NOM1: variants seen among roughly 807,000 people sequenced by gnomAD.
The protein encoded by NOM1 is nucleolar MIF4G domain-containing protein 1.
A neutral mutation model predicts 73.3 loss-of-function variants in NOM1; 58 were observed. The ratio of observed to expected loss-of-function variants is 0.79; its 90% CI spans 0.64 to 0.99. The LOEUF is 0.99. Ranked by LOEUF, NOM1 falls within the 50% of genes least tolerant of loss-of-function variation. The pLI is 0.00. For missense variants in NOM1, 1,226 were observed against 1,131.9 expected, an observed-to-expected ratio of 1.08 and a Z score of -1.19; for synonymous variants, 487 against 446.8, an observed-to-expected ratio of 1.09 and a Z score of -1.14.
chr7:156,950,414 G>A lies in NOM1; in HGVS notation c.677G>A (p.Gly226Glu). 6.2e-7 allele frequency: 1 copy of A among 1,614,228 alleles called. No homozygotes were observed. Among genetic ancestry groups the A allele is most frequent in the Non-Finnish European group, 8.5e-7 (1 of 1,180,040 alleles). Reference sequence around the variant, plus strand: ...TATATTCTGGGAGCCCTGGAGTCTGGGAAAAATAGCGGCTTGTACGACAGC... The same window carrying A: ...TATATTCTGGGAGCCCTGGAGTCTGAGAAAAATAGCGGCTTGTACGACAGC... ...LDYILGALES[G>E]KNSGLYDSSG... Residue 226 changes from glycine to glutamate, a missense_variant, in exon 1 of 11, where the codon GGG (glycine) becomes GAG (glutamate). Physicochemically the swap from Gly to Glu is moderately conservative, Grantham distance 98. Transcript: ENST00000275820.
intron 4 of NOM1, among the ~76,000 whole-genome samples, chr7:156,961,907 A>T (rs1399707146): frequency 6.6e-6 from 1 of 151,268 alleles, no homozygotes; most frequent in Non-Finnish European, 1.5e-5. Context: ...AAGGGAAAAG[A>T]GATCTCTGGG....
At chr7:156,963,788 T>G in intron 6 of NOM1, 117 bp from the exon 7 acceptor site, 1 of 1,228,714 alleles carries the variant, frequency 8.1e-7, no homozygotes, top group African/African-American at 1.5e-5. Flanking sequence ...CTTGGTGCCA[T>G]CCGCCCACGT....
At chr7:156,958,144 T>G (rs940197436) in intron 3 of NOM1, among the ~76,000 whole-genome samples, 1 of 149,072 alleles carries the variant, frequency 6.7e-6, no homozygotes, top group Non-Finnish European at 1.5e-5. Context: ...CACTCAAGAC[T>G]GTCTGGTGGA....
chr7:156,949,748 C>G lies in NOM1; in HGVS notation c.11C>G (p.Ser4Cys), dbSNP rs769906538. ...CACGCGTTTCGAAAGATGGCGGCGT[C>G]CAGGAGCGCGGGAGAGGCCGGCCCG... is the stretch of plus-strand genomic sequence containing the variant. MAA[S>C]RSAGEAGPGG... Residue 4 changes from serine to cysteine, a missense_variant, in exon 1 of 11, where the codon TCC becomes TGC. Physicochemically the swap from Ser to Cys is moderately radical, Grantham distance 112. Transcript: ENST00000275820. The G allele has an allele frequency of 5.1e-6, 7 of 1,385,148 alleles. No individual in the cohort carries two copies. The highest frequency in any genetic ancestry group is 6.5e-6 in the Non-Finnish European group (7 of 1,075,306). 85.8% of individuals were successfully genotyped at this position (1,385,148 alleles called of 1,614,324 possible).
At chr7:156,961,603 A>G (rs1804865367) in intron 4 of NOM1, among the ~76,000 whole-genome samples, 2 of 152,194 alleles carry the variant, frequency 1.3e-5, no homozygotes, top group Admixed American at 6.5e-5. Context: ...TAAAAGCCAC[A>G]TAATTATATA....
intron 2 of NOM1, among the ~76,000 whole-genome samples, chr7:156,953,517 A>G (rs1186042810): frequency 6.6e-6 from 1 of 151,478 alleles, no homozygotes; most frequent in Non-Finnish European, 1.5e-5. Flanking sequence ...CTGCCCCTCC[A>G]TGGCCTCACC....
rs753333823 is a variant in NOM1 at position 156,967,103 on chromosome 7, C to A, written c.2298+11C>A. On this transcript the variant is annotated intron_variant, in intron 9 of 10. Transcript: ENST00000275820. ...CTTTCCATCTTAAAGGTTCGTGTAA[C>A]GTGTGAAAATATTGAAAGCAATGGA... 2.5e-6 allele frequency: 4 copies of A among 1,609,262 alleles called. No homozygotes were observed. In the Admixed American group the frequency reaches 6.8e-5, roughly 27 times the overall value.
Position 156,950,441 on chromosome 7 carries a change from G to T in NOM1, c.704G>T (p.Ser235Ile), listed in dbSNP as rs771995854. ...AAAAATAGCGGCTTGTACGACAGCA[G>T]TGGTGAGGAGGAGGAAGATGCCGGA... ...SGKNSGLYDS[S>I]GEEEEDAGQT... The change falls in exon 1 of 11, where the codon AGT becomes ATT. Residue 235 changes from serine (S) to isoleucine (I), a missense_variant. By Grantham distance (142) the Ser-to-Ile change is moderately radical. Transcript: ENST00000275820. The T allele has an allele frequency of 3.1e-6, 5 of 1,614,194 alleles. No homozygotes were observed. In the East Asian group the frequency reaches 1.1e-4, roughly 36 times the overall value.
chr7:156,962,571 T>G (rs1356033083), intron 5 of NOM1, among the ~76,000 whole-genome samples: 1 of 152,200 alleles, frequency 6.6e-6, no homozygotes, highest in Non-Finnish European at 1.5e-5. Flanking sequence ...CAAGTCCCCA[T>G]CCGGACCAAG....
chr7:156,963,218 C>G (rs761538430), intron 6 of NOM1, 43 bp downstream of exon 6: 15 of 1,608,218 alleles, frequency 9.3e-6, no homozygotes, highest in Middle Eastern at 1.6e-4. Flanking sequence ...GAGGCACCCC[C>G]CTGTGTGGTG....
intron 1 of NOM1, among the ~76,000 whole-genome samples, chr7:156,951,807 A>G (rs543296301): frequency 3.3e-5 from 5 of 151,938 alleles, no homozygotes; most frequent in Admixed American, 6.6e-5. Context: ...TCCCAGGTTC[A>G]TGCCATTCTC....
At position 156,950,361 on chromosome 7, in the gene NOM1, G is replaced by C; in HGVS notation, c.624G>C (p.Pro208=). The C allele has an allele frequency of 1.2e-6, 2 of 1,614,218 alleles. No homozygotes were observed. Among genetic ancestry groups the C allele is most frequent in the Admixed American group, 3.3e-5 (2 of 60,034 alleles). The change falls in exon 1 of 11, where the codon CCG becomes CCC. Residue 208 remains proline (P), a synonymous_variant. Coordinates refer to ENST00000275820, the MANE Select transcript of NOM1 (RefSeq NM_138400.2). ...AGAAGGACGGCAGCAGCTCCGTGCC[G>C]CTGAGCTTTGCACGCGACGGTCTTG... ...RKKKDGSSSV[P]LSFARDGLDY... is the part of the protein sequence containing the mutation.
chr7:156,957,503 T>C (rs954643719), intron 3 of NOM1, among the ~76,000 whole-genome samples: 1 of 152,056 alleles, frequency 6.6e-6, no homozygotes, highest in Non-Finnish European at 1.5e-5. Context: ...CAGCCGGGTG[T>C]GGTGGCTCAC....
intron 7 of NOM1, among the ~76,000 whole-genome samples, chr7:156,964,742 T>C (rs1343253851): frequency 6.6e-6 from 1 of 152,220 alleles, no homozygotes; most frequent in Non-Finnish European, 1.5e-5. Context: ...TTTTATTTTC[T>C]AAACTAGAGT....
At chr7:156,963,211 G>A (rs62492704) in intron 6 of NOM1, 36 bp downstream of exon 6, 1 of 1,611,538 alleles carries the variant, frequency 6.2e-7, no homozygotes, top group Non-Finnish European at 8.5e-7. Flanking sequence ...CCAGGCAGAG[G>A]CACCCCCCTG....
intron 3 of NOM1, among the ~76,000 whole-genome samples, chr7:156,955,842 T>A (rs1194864049): frequency 2.0e-5 from 3 of 152,200 alleles, no homozygotes; most frequent in African/African-American, 7.2e-5. Context: ...ATTATAATCT[T>A]AACAGTTATT....
rs1804518748 is a variant in NOM1, at chr7:156,949,729, T to C, written c.-9T>C. The C allele has an allele frequency of 1.5e-6, 2 of 1,339,782 alleles. No individual in the cohort carries two copies. Among genetic ancestry groups the C allele is most frequent in the Non-Finnish European group, 1.9e-6 (2 of 1,050,164 alleles). The allele number at this position is 1,339,782 out of a possible 1,614,324, so 83.0% of individuals were successfully genotyped here. A position where few individuals can be genotyped will look rare whatever the true frequency, so the allele number is the denominator to read the frequency against. ...CGGCCGGAAGTCGTGCGTCCACGCG[T>C]TTCGAAAGATGGCGGCGTCCAGGAG... is the stretch of plus-strand genomic sequence containing the variant. On this transcript the variant is annotated 5_prime_UTR_variant, in exon 1 of 11. Coordinates refer to ENST00000275820, the MANE Select transcript of NOM1 (RefSeq NM_138400.2).
rs766234962 is a variant in NOM1, at chr7:156,963,069, G to A, written c.1805G>A (p.Ser602Asn). The A allele has an allele frequency of 6.2e-7, 1 of 1,614,244 alleles. No individual in the cohort carries two copies. The highest frequency in any genetic ancestry group is 1.7e-5 in the Admixed American group (1 of 60,030). The change falls in exon 6 of 11, where the codon AGT (serine) becomes AAT (asparagine). Residue 602 changes from serine to asparagine, a missense_variant. Coordinates refer to ENST00000275820, the MANE Select transcript of NOM1 (RefSeq NM_138400.2). Reference sequence around the variant, plus strand: ...CGCGTCTCCTGGGACAGTGTCTTGAGTGCGGAGCAGACGGGTCGCTGGTGG... The same window carrying A: ...CGCGTCTCCTGGGACAGTGTCTTGAATGCGGAGCAGACGGGTCGCTGGTGG... The part of the protein sequence containing the change: ...QLRVSWDSVL[S>N]AEQTGRWWIV...
chr7:156,956,617 C>T (rs1333937804), intron 3 of NOM1, among the ~76,000 whole-genome samples: 1 of 152,162 alleles, frequency 6.6e-6, no homozygotes, highest in Non-Finnish European at 1.5e-5. Flanking sequence ...GCCTGTGGGG[C>T]ATTAGGAAGC....
Sources: gnomAD v4.1 joint callset for allele counts (sites outside exome capture counted in the v4.1 genomes callset) on GRCh38, gnomAD v4.1.1 for gene constraint, MANE v1.5 for transcripts, NCBI Gene and HGNC (gene_info 2026-07-23, HGNC 2026-07-21) for gene names.